TBC1D1: variants seen among roughly 807,000 people sequenced by gnomAD.
The protein encoded by TBC1D1 is TBC1 domain family member 1.
Under a neutral mutation model 125.6 loss-of-function variants are expected in TBC1D1, and 89 were observed. That is an observed-to-expected ratio of 0.71 (90% CI 0.60 to 0.85). TBC1D1 has a LOEUF of 0.85. Ranked by LOEUF, TBC1D1 falls within the 40% of genes least tolerant of loss-of-function variation. The pLI is 0.00. For synonymous variants in TBC1D1, 565 were observed against 564.1 expected (o/e 1.00, Z -0.02); for missense variants, 1,377 against 1,469.2 (o/e 0.94, Z 1.03).
At chr4:38,133,325 C>G in intron 19 of TBC1D1, 68 bp downstream of exon 21, 1 of 1,458,054 alleles carries the variant, frequency 6.9e-7, no homozygotes. Context: ...TCACCAAAGG[C>G]AACAGCAGGC....
chr4:38,084,722 CT>C (rs1177216239), intron 12 of TBC1D1, among the ~76,000 whole-genome samples: 1 of 141,056 alleles, frequency 7.1e-6, no homozygotes, highest in Non-Finnish European at 1.5e-5. Context: ...ATTTTTTTAA[CT>C]TCTTTTTTTT....
chr4:38,099,289 T>C (rs1406534578), intron 14 of TBC1D1, among the ~76,000 whole-genome samples: 1 of 152,240 alleles, frequency 6.6e-6, no homozygotes, highest in Non-Finnish European at 1.5e-5. Flanking sequence ...TAGATCTGTA[T>C]TTACTGACGT....
chr4:38,122,617 C>A (rs1426030884), intron 17 of TBC1D1, among the ~76,000 whole-genome samples: 1 of 152,140 alleles, frequency 6.6e-6, no homozygotes, highest in Non-Finnish European at 1.5e-5. Flanking sequence ...TCTACCGAAC[C>A]AGAACTCCTT....
intron 2 of TBC1D1, among the ~76,000 whole-genome samples, chr4:37,983,154 C>G (rs555022597): frequency 7.8e-4 from 111 of 141,988 alleles, no homozygotes; most frequent in African/African-American, 2.9e-3. Flanking sequence ...GACGGAGTCT[C>G]GCTCTGTCAC....
At chr4:38,091,864 T>C (rs1212511935) in intron 13 of TBC1D1, among the ~76,000 whole-genome samples, 3 of 152,274 alleles carry the variant, frequency 2.0e-5, no homozygotes, top group Non-Finnish European at 4.4e-5. Flanking sequence ...CTTCTAATGC[T>C]TCCTCATTTC....
intron 2 of TBC1D1, chr4:37,952,313 G>T: frequency 1.9e-6 from 1 of 516,450 alleles, no homozygotes; most frequent in South Asian, 2.2e-5. Flanking sequence ...TTGGGGAAAG[G>T]GCTGATAATC....
At chr4:38,102,147 G>A (rs904171162) in intron 14 of TBC1D1, among the ~76,000 whole-genome samples, 1 of 151,460 alleles carries the variant, frequency 6.6e-6, no homozygotes, top group Non-Finnish European at 1.5e-5. Flanking sequence ...AATGTTAAAT[G>A]ACGAGTTAAT....
intron 14 of TBC1D1, among the ~76,000 whole-genome samples, chr4:38,101,800 A>G (rs1006579526): frequency 2.0e-5 from 3 of 152,072 alleles, no homozygotes; most frequent in African/African-American, 7.2e-5. Flanking sequence ...GCCTCTCACA[A>G]TAACCCTTCC....
chr4:37,960,424 A>G (rs1220836949), intron 2 of TBC1D1: 1 of 1,605,560 alleles, frequency 6.2e-7, no homozygotes, highest in African/African-American at 1.3e-5. Flanking sequence ...TGAGAGCGGC[A>G]ATAATCCAGA....
At chr4:37,967,611 G>A (rs1731308541) in intron 2 of TBC1D1, among the ~76,000 whole-genome samples, 1 of 152,092 alleles carries the variant, frequency 6.6e-6, no homozygotes, top group African/African-American at 2.4e-5. Context: ...TATAGAAGAA[G>A]TGGAAAGAGG....
chr4:37,929,034 C>T (rs1392824404), intron 2 of TBC1D1, among the ~76,000 whole-genome samples: 1 of 152,160 alleles, frequency 6.6e-6, no homozygotes, highest in Non-Finnish European at 1.5e-5. Context: ...CATCATTGTC[C>T]CTCTTTGTTG....
intron 17 of TBC1D1, chr4:38,118,526 T>C (rs1763350696): frequency 1.4e-5 from 3 of 219,058 alleles, no homozygotes. Context: ...ATGAATTGCC[T>C]TCCTCAGCCA....
rs1749053105 is a variant in TBC1D1, at chr4:38,044,632, C to T, written c.1542+142C>T. ...TTTTTATGTTTTCTCAGGCTTATAA[C>T]AGTATTATCTACATTTTAAATTGTT... On this transcript the variant is annotated intron_variant, in intron 9 of 19. Transcript: ENST00000261439. 10 of 848,832 alleles carry T rather than the reference C, an allele frequency of 1.2e-5. No homozygotes were observed. The Admixed American group carries it at 3.5e-4, about 30-fold the overall frequency. The allele number at this position is 848,832 out of a possible 1,614,324, so 52.6% of individuals were successfully genotyped here.
At chr4:37,953,017 G>A (rs542435058) in intron 2 of TBC1D1, among the ~76,000 whole-genome samples, 2 of 152,288 alleles carry the variant, frequency 1.3e-5, no homozygotes, top group South Asian at 4.1e-4. Context: ...CGTGGTTTTG[G>A]ATATGCCGTG....
In TBC1D1 at chr4:38,086,698, C is replaced by T. The variant is rs189823104; in HGVS notation, c.2051-3234C>T. 2.2e-4 allele frequency among the ~76,000 whole-genome samples: 34 copies of T among 152,208 alleles called. No individual in the cohort carries two copies. The East Asian group carries it at 4.4e-3, about 20-fold the overall frequency. On this transcript the variant is annotated intron_variant, in intron 12 of 19. Transcript: ENST00000261439. Reference sequence around the variant, plus strand: ...GGTGGGAGTGAAGGAGATGAGCCGACGTGCTAGCAAGCGCATAGGGTTGCA... The same window carrying T: ...GGTGGGAGTGAAGGAGATGAGCCGATGTGCTAGCAAGCGCATAGGGTTGCA...
intron 2 of TBC1D1, among the ~76,000 whole-genome samples, chr4:37,907,047 CA>C (rs2152240121): frequency 6.6e-6 from 1 of 152,222 alleles, no homozygotes; most frequent in East Asian, 1.9e-4. Context: ...CTATGTCTTC[CA>C]AAAAATATTT....
In TBC1D1 at chr4:38,080,721, C is replaced by T. The variant is rs1291948113; in HGVS notation, c.2051-9211C>T. On this transcript the variant is annotated intron_variant, in intron 12 of 19. Coordinates refer to ENST00000261439, the MANE Select transcript of TBC1D1 (RefSeq NM_015173.4). ...GGGATCATCTCTTCTGAGGTTGGACCTGCACAGCCGCCCTCTGCACTCTCG... is the reference window on the plus strand; with the variant it reads ...GGGATCATCTCTTCTGAGGTTGGACTTGCACAGCCGCCCTCTGCACTCTCG... Among the ~76,000 whole-genome samples, 4 of 152,172 alleles carry T rather than the reference C, an allele frequency of 2.6e-5. No homozygotes were observed. The Middle Eastern group carries it at 0.01, about 388-fold the overall frequency.
At chr4:37,949,734 T>C (rs1247134633) in intron 2 of TBC1D1, among the ~76,000 whole-genome samples, 1 of 152,232 alleles carries the variant, frequency 6.6e-6, no homozygotes, top group Non-Finnish European at 1.5e-5. Context: ...TTCAACTCTG[T>C]AGGCCATACA....
intron 2 of TBC1D1, among the ~76,000 whole-genome samples, chr4:37,938,211 T>C (rs1385018470): frequency 6.7e-6 from 1 of 149,916 alleles, no homozygotes; most frequent in Non-Finnish European, 1.5e-5. Context: ...TGAGACCCCA[T>C]GTCTAAAAAA....
Sources: gnomAD v4.1 joint callset for allele counts (sites outside exome capture counted in the v4.1 genomes callset) on GRCh38, gnomAD v4.1.1 for gene constraint, MANE v1.5 for transcripts, NCBI Gene and HGNC (gene_info 2026-07-23, HGNC 2026-07-21) for gene names.